Variants in WDR41 observed in about 807,000 individuals in gnomAD.
WDR41 encodes WD repeat-containing protein 41.
A neutral mutation model predicts 69.3 loss-of-function variants in WDR41; 63 were observed. That is an observed-to-expected ratio of 0.91 (90% CI 0.74 to 1.12). The LOEUF (loss-of-function observed/expected upper bound fraction) is 1.12, where lower values mean the gene tolerates loss of function less well. Ranked by LOEUF, WDR41 falls within the 50% of genes most tolerant of loss-of-function variation. The pLI is 0.00. For synonymous variants in WDR41, 185 were observed against 192.1 expected (o/e 0.96, Z 0.31); for missense variants, 543 against 534.5 (o/e 1.02, Z -0.16).
rs148894171 is a variant in WDR41 at position 77,465,898 on chromosome 5, A to G, written c.168-1089T>C. Among the ~76,000 whole-genome samples, 231 of 152,034 alleles carry G rather than the reference A, an allele frequency of 1.5e-3. 2 individuals are homozygous for G. The highest frequency in any genetic ancestry group is 5.3e-3 in the African/African-American group (219 of 41,538). On this transcript the variant is annotated intron_variant, in intron 2 of 12. Coordinates refer to ENST00000296679, the MANE Select transcript of WDR41 (RefSeq NM_018268.4). ...ATTTCAGTCATGAAATACTTTCCTT[A>G]ACACTCCAAACTGAGTTTCATGTTC...
At chr5:77,445,933 G>T (rs940401342) in intron 8 of WDR41, among the ~76,000 whole-genome samples, 1 of 152,062 alleles carries the variant, frequency 6.6e-6, no homozygotes, top group African/African-American at 2.4e-5. Context: ...GGGCAATCAG[G>T]AAAGAGAAAG....
chr5:77,442,413 C>T (rs1255865753), intron 8 of WDR41, among the ~76,000 whole-genome samples: 1 of 152,062 alleles, frequency 6.6e-6, no homozygotes, highest in Non-Finnish European at 1.5e-5. Flanking sequence ...TGTTACAAAA[C>T]AGTAAACCAT....
intron 1 of WDR41, among the ~76,000 whole-genome samples, chr5:77,539,095 G>C (rs1307985949): frequency 6.6e-6 from 1 of 151,880 alleles, no homozygotes; most frequent in African/African-American, 2.4e-5. Flanking sequence ...TCATCTTTCT[G>C]GTATCTCTTT....
At chr5:77,510,189 A>G (rs1168080491) in intron 1 of WDR41, among the ~76,000 whole-genome samples, 1 of 152,216 alleles carries the variant, frequency 6.6e-6, no homozygotes, top group Non-Finnish European at 1.5e-5. Context: ...GAAGGCAAGG[A>G]GCAGCAAGTA....
chr5:77,566,301 T>A (rs931338908), intron 1 of WDR41, among the ~76,000 whole-genome samples: 1 of 152,184 alleles, frequency 6.6e-6, no homozygotes, highest in African/African-American at 2.4e-5. Flanking sequence ...AATCTTTATG[T>A]GTTTGTTTAG....
chr5:77,457,450 T>A lies in WDR41; in HGVS notation c.411+1612A>T, dbSNP rs1799880125. On this transcript the variant is annotated intron_variant, in intron 5 of 12. Transcript: ENST00000296679. Reference sequence around the variant, plus strand: ...TATAAGACATTTAGGGCACTTCCAATCATCCATTTATAAAAATGTATTTGT... The same window carrying A: ...TATAAGACATTTAGGGCACTTCCAAACATCCATTTATAAAAATGTATTTGT... 2.0e-5 allele frequency among the ~76,000 whole-genome samples: 3 copies of A among 152,300 alleles called. No homozygotes were observed. In the East Asian group the frequency reaches 5.8e-4, roughly 29 times the overall value.
intron 1 of WDR41, chr5:77,545,730 G>A (rs1006129061): frequency 7.1e-6 from 4 of 560,786 alleles, no homozygotes; most frequent in Non-Finnish European, 9.3e-6. Context: ...ACGCTGGCCA[G>A]TGCACCAGGT....
intron 1 of WDR41, chr5:77,582,768 C>T: frequency 6.3e-7 from 1 of 1,597,828 alleles, no homozygotes; most frequent in Non-Finnish European, 8.5e-7. Flanking sequence ...CTTCGATTAA[C>T]ATGCTGAGGA....
intron 1 of WDR41, among the ~76,000 whole-genome samples, chr5:77,565,536 GA>G (rs1478189179): frequency 6.6e-6 from 1 of 152,112 alleles, no homozygotes; most frequent in Non-Finnish European, 1.5e-5. Context: ...AATGAGAGTA[GA>G]AAGGACTATT....
At chr5:77,549,499 A>C (rs1391390310) in intron 1 of WDR41, among the ~76,000 whole-genome samples, 2 of 151,986 alleles carry the variant, frequency 1.3e-5, no homozygotes, top group Admixed American at 6.6e-5. Context: ...ACATAATCTC[A>C]TTTTACAATA....
intron 1 of WDR41, among the ~76,000 whole-genome samples, chr5:77,502,428 C>G (rs1219055127): frequency 6.6e-6 from 1 of 151,982 alleles, no homozygotes; most frequent in Non-Finnish European, 1.5e-5. Flanking sequence ...GAGAATGCAA[C>G]CAAGTTGGAA....
chr5:77,599,197 C>CTTTTTTTTTTT (rs34759217), intron 1 of WDR41, among the ~76,000 whole-genome samples: 1 of 76,210 alleles, frequency 1.3e-5, no homozygotes, highest in African/African-American at 4.9e-5. Context: ...ATCGGAAGCT[C>CTTTTTTTTTTT]TTTTTTTTTT....
intron 8 of WDR41, among the ~76,000 whole-genome samples, chr5:77,442,142 A>G (rs1799190424): frequency 6.6e-6 from 1 of 152,222 alleles, no homozygotes; most frequent in Non-Finnish European, 1.5e-5. Context: ...AATATGTATC[A>G]AAACCTTGAA....
At chr5:77,557,375 A>G (rs1399040747) in intron 1 of WDR41, among the ~76,000 whole-genome samples, 1 of 152,212 alleles carries the variant, frequency 6.6e-6, no homozygotes, top group Non-Finnish European at 1.5e-5. Context: ...CAGAATATAC[A>G]AAGACCTACT....
intron 1 of WDR41, among the ~76,000 whole-genome samples, chr5:77,525,240 C>A (rs1802428378): frequency 2.0e-5 from 3 of 152,184 alleles, no homozygotes; most frequent in Admixed American, 2.0e-4. Flanking sequence ...AAAATGAATT[C>A]ATATTCTTTT....
intron 1 of WDR41, among the ~76,000 whole-genome samples, chr5:77,504,179 A>C (rs528345436): frequency 3.2e-4 from 49 of 152,314 alleles, no homozygotes; most frequent in African/African-American, 1.2e-3. Context: ...GATGCAATAA[A>C]AAATGATAAA....
chr5:77,519,818 G>A (rs1581783623), intron 1 of WDR41, among the ~76,000 whole-genome samples: 1 of 150,802 alleles, frequency 6.6e-6, no homozygotes, highest in South Asian at 2.1e-4. Context: ...AACACACACA[G>A]GAAGGCTACT....
chr5:77,615,178 GAA>G (rs1356114261), intron 1 of WDR41, among the ~76,000 whole-genome samples: 1 of 151,874 alleles, frequency 6.6e-6, no homozygotes, highest in East Asian at 1.9e-4. Context: ...GTCTAAAAAA[GAA>G]AAAAAGTCTT....
intron 12 of WDR41, among the ~76,000 whole-genome samples, chr5:77,434,573 C>T (rs745809017): frequency 2.0e-4 from 31 of 151,722 alleles, no homozygotes; most frequent in Admixed American, 3.9e-4. Context: ...GGCGTGGTGG[C>T]GGGCACCTGT....
Sources: gnomAD v4.1 joint callset for allele counts (sites outside exome capture counted in the v4.1 genomes callset) on GRCh38, gnomAD v4.1.1 for gene constraint, MANE v1.5 for transcripts, NCBI Gene and HGNC (gene_info 2026-07-23, HGNC 2026-07-21) for gene names.